NEDD4: variants seen among roughly 807,000 people sequenced by gnomAD.
The protein encoded by NEDD4 is E3 ubiquitin-protein ligase NEDD4.
A neutral mutation model predicts 144.9 loss-of-function variants in NEDD4; 99 were observed. The ratio of observed to expected loss-of-function variants is 0.68; its 90% CI spans 0.58 to 0.81. NEDD4 has a LOEUF of 0.81. Ranked by LOEUF, NEDD4 falls within the 30% of genes least tolerant of loss-of-function variation. The probability of loss-of-function intolerance (pLI) is 0.00; values close to 1 mark genes in which losing one functional copy is unlikely to be tolerated. For synonymous variants in NEDD4, 318 were observed against 350.6 expected (o/e 0.91, Z 1.04); for missense variants, 985 against 1,065.9 (o/e 0.92, Z 1.06).
chr15:55,860,998 A>G lies in NEDD4; in HGVS notation c.675-220T>C, dbSNP rs141966149. 1.2e-3 allele frequency among the ~76,000 whole-genome samples: 185 copies of G among 152,342 alleles called. 1 individual carries two copies. Among genetic ancestry groups the G allele is most frequent in the African/African-American group, 4.3e-3 (180 of 41,588 alleles). ...GTTTAAGGTTTTGTGAAAAGGTATAACATGTCTGATTTGATATTTTAGTTT... is the reference window on the plus strand; with the variant it reads ...GTTTAAGGTTTTGTGAAAAGGTATAGCATGTCTGATTTGATATTTTAGTTT... On this transcript the variant is annotated intron_variant, in intron 9 of 28. Coordinates refer to ENST00000435532, the MANE Select transcript of NEDD4 (RefSeq NM_006154.4).
In NEDD4 at chr15:55,915,183, G is replaced by C. The variant is rs2036396479; in HGVS notation, c.291+9463C>G. ...CAAAATACTGCTAGCTAAGGACCAG[G>C]AAAATATGTAAAACTGCTTGGTTAC... On this transcript the variant is annotated intron_variant, in intron 5 of 28. Transcript: ENST00000435532. 5 of 1,105,990 alleles carry C rather than the reference G, an allele frequency of 4.5e-6. No homozygotes were observed. The South Asian group carries it at 9.2e-5, about 20-fold the overall frequency. 68.5% of individuals were successfully genotyped at this position (1,105,990 alleles called of 1,614,324 possible). A position where few individuals can be genotyped will look rare whatever the true frequency, so the allele number is the denominator to read the frequency against.
At chr15:55,921,520 T>A (rs2036569144) in intron 5 of NEDD4, among the ~76,000 whole-genome samples, 1 of 152,064 alleles carries the variant, frequency 6.6e-6, no homozygotes, top group Non-Finnish European at 1.5e-5. Flanking sequence ...AGACGCAGTT[T>A]CACCATGCTG....
At position 55,879,076 on chromosome 15, in the gene NEDD4, G is replaced by A. The variant is rs946359094; in HGVS notation, c.292-5068C>T. ...TGACCCCAGGTGATCCACCTGACTT[G>A]GACTCCCAAAGTGCTGGGATTATAG... On this transcript the variant is annotated intron_variant, in intron 5 of 28. Transcript: ENST00000435532. 7.2e-5 allele frequency among the ~76,000 whole-genome samples: 11 copies of A among 152,270 alleles called. 1 individual carries two copies. The highest frequency in any genetic ancestry group is 5.2e-4 in the Admixed American group (8 of 15,300).
intron 1 of NEDD4, among the ~76,000 whole-genome samples, chr15:55,980,544 TG>T (rs1273626076): frequency 1.3e-5 from 2 of 152,134 alleles, no homozygotes; most frequent in African/African-American, 4.8e-5. Flanking sequence ...GTACAGAGGA[TG>T]TAAGCCACCA....
At chr15:55,840,126 T>C (rs2033435443) in intron 21 of NEDD4, among the ~76,000 whole-genome samples, 1 of 148,174 alleles carries the variant, frequency 6.7e-6, no homozygotes, top group Non-Finnish European at 1.5e-5. Flanking sequence ...TTTAGTGGGA[T>C]GTTTAATGTT....
intron 5 of NEDD4, among the ~76,000 whole-genome samples, chr15:55,907,236 C>T (rs1420416503): frequency 1.3e-5 from 2 of 151,664 alleles, no homozygotes; most frequent in Non-Finnish European, 2.9e-5. Flanking sequence ...TAAGGTCAAT[C>T]CAGGAAGTGC....
At chr15:55,938,538 T>G (rs1419194631) in intron 4 of NEDD4, among the ~76,000 whole-genome samples, 3 of 152,066 alleles carry the variant, frequency 2.0e-5, no homozygotes, top group Non-Finnish European at 4.4e-5. Flanking sequence ...CTTCTTGACT[T>G]TGGTCTTGAC....
intron 14 of NEDD4, among the ~76,000 whole-genome samples, chr15:55,850,132 A>G (rs937552145): frequency 6.6e-6 from 1 of 152,310 alleles, no homozygotes. Flanking sequence ...TAAGCCAAGC[A>G]CTAAACAATT....
At chr15:55,878,966 G>A (rs911752555) in intron 5 of NEDD4, among the ~76,000 whole-genome samples, 1 of 152,140 alleles carries the variant, frequency 6.6e-6, no homozygotes, top group Admixed American at 6.5e-5. Flanking sequence ...GAGATTACAG[G>A]CATGTGCCAC....
chr15:55,913,585 T>C (rs1197915272), intron 5 of NEDD4, among the ~76,000 whole-genome samples: 1 of 152,032 alleles, frequency 6.6e-6, no homozygotes, highest in African/African-American at 2.4e-5. Flanking sequence ...AATTATTTTA[T>C]AATCCAATAA....
intron 7 of NEDD4, among the ~76,000 whole-genome samples, chr15:55,870,406 C>A (rs1566922862): frequency 6.6e-6 from 1 of 152,072 alleles, no homozygotes; most frequent in East Asian, 1.9e-4. Context: ...TATATTGTAT[C>A]ACCTTTTTGA....
intron 1 of NEDD4, among the ~76,000 whole-genome samples, chr15:55,980,827 C>T (rs990654852): frequency 2.7e-4 from 41 of 151,914 alleles, no homozygotes; most frequent in African/African-American, 5.3e-4. Context: ...ACATTTTTAC[C>T]GCACTGAATG....
At chr15:55,923,254 A>G (rs1566953690) in intron 5 of NEDD4, among the ~76,000 whole-genome samples, 1 of 152,222 alleles carries the variant, frequency 6.6e-6, no homozygotes, top group East Asian at 1.9e-4. Context: ...AACATTTTAT[A>G]TTCTTTTAAA....
chr15:55,881,942 G>A (rs2035209834), intron 5 of NEDD4, among the ~76,000 whole-genome samples: 1 of 152,106 alleles, frequency 6.6e-6, no homozygotes, highest in South Asian at 2.1e-4. Flanking sequence ...CCGCCCTCCA[G>A]TTATAACAAC....
At chr15:55,905,221 AC>A (rs1286806512) in intron 5 of NEDD4, 2 of 450,492 alleles carry the variant, frequency 4.4e-6, no homozygotes, top group Non-Finnish European at 8.9e-6. Flanking sequence ...CCTGGAATTC[AC>A]TCAGTTGCAG....
chr15:55,848,501 A>G lies in NEDD4; in HGVS notation c.1483+20T>C. On this transcript the variant is annotated intron_variant, in intron 16 of 28. Transcript: ENST00000435532. ...ATTTATTACAAAAAATAACATAATGAAAAATCGCACTGCACATACTGTGAT... is the reference window on the plus strand; with the variant it reads ...ATTTATTACAAAAAATAACATAATGGAAAATCGCACTGCACATACTGTGAT... 1 of 1,613,412 alleles carries G rather than the reference A, an allele frequency of 6.2e-7. No individual in the cohort carries two copies. The highest frequency in any genetic ancestry group is 8.5e-7 in the Non-Finnish European group (1 of 1,179,462).
intron 26 of NEDD4, among the ~76,000 whole-genome samples, chr15:55,833,413 T>C (rs2033049859): frequency 6.6e-6 from 1 of 152,122 alleles, no homozygotes; most frequent in Admixed American, 6.6e-5. Flanking sequence ...ATCCCAGCAC[T>C]CTGGGAGGCT....
intron 5 of NEDD4, among the ~76,000 whole-genome samples, chr15:55,880,834 G>C (rs1304829853): frequency 6.6e-6 from 1 of 152,152 alleles, no homozygotes; most frequent in Non-Finnish European, 1.5e-5. Flanking sequence ...AATTAAATAA[G>C]AGAATACAAA....
At chr15:55,848,321 G>A (rs1162485669) in intron 17 of NEDD4, 51 bp downstream of exon 17, 1 of 1,562,986 alleles carries the variant, frequency 6.4e-7, no homozygotes, top group Non-Finnish European at 8.8e-7. Flanking sequence ...TGCTCTTGAA[G>A]AGACAGGTGA....
Sources: gnomAD v4.1 joint callset for allele counts (sites outside exome capture counted in the v4.1 genomes callset) on GRCh38, gnomAD v4.1.1 for gene constraint, MANE v1.5 for transcripts, NCBI Gene and HGNC (gene_info 2026-07-23, HGNC 2026-07-21) for gene names.